Variants in TLR6 observed in about 807,000 individuals in gnomAD.
TLR6 encodes toll-like receptor 6.
Under a neutral mutation model 16.1 loss-of-function variants are expected in TLR6, and 9 were observed. The observed-to-expected ratio is 0.56, with a 90% CI of 0.34 to 0.98. The LOEUF is 0.98. Among genes scored for constraint, TLR6 ranks in the 50% least tolerant of loss-of-function variants. The pLI is 0.02. For missense variants in TLR6, 786 were observed against 921.0 expected, an observed-to-expected ratio of 0.85 and a Z score of 1.90; for synonymous variants, 340 against 338.6, an observed-to-expected ratio of 1.00 and a Z score of -0.04.
At chr4:38,866,193 T>A in the TLR6 span, among the ~76,000 whole-genome samples, 2 of 145,018 alleles carry the variant, frequency 1.4e-5, no homozygotes, top group African/African-American at 5.5e-5. Context: ...TTAATAAAAA[T>A]ATTAAATAAG....
upstream of TLR6, among the ~76,000 whole-genome samples, chr4:38,858,812 AG>A (rs1560274604): frequency 6.5e-5 from 7 of 107,230 alleles, 1 homozygote; most frequent in African/African-American, 3.2e-4. Flanking sequence ...AGAGAGAGAG[AG>A]GGAGAGAGAG....
intron 1 of TLR6, among the ~76,000 whole-genome samples, chr4:38,856,142 C>G (rs1156326198): frequency 7.0e-6 from 1 of 143,272 alleles, no homozygotes; most frequent in Non-Finnish European, 1.6e-5. Context: ...GTGCCAGATT[C>G]AAGCTTGTGA....
upstream of TLR6, among the ~76,000 whole-genome samples, chr4:38,858,904 AAAAG>A (rs139910450): frequency 3.4e-3 from 501 of 148,522 alleles, 4 homozygotes; most frequent in African/African-American, 7.6e-3. Flanking sequence ...AGAAAGAAAG[AAAAG>A]AAAGAAAGAA....
chr4:38,840,626 T>C (rs1042484648), intron 1 of TLR6, among the ~76,000 whole-genome samples: 2 of 134,400 alleles, frequency 1.5e-5, no homozygotes, highest in Non-Finnish European at 3.0e-5. Context: ...AGGGCAAGAC[T>C]CCCTCTCAAA....
chr4:38,827,719 A>G (rs751564146), exon 2 of TLR6: 3 of 1,614,242 alleles, frequency 1.9e-6, no homozygotes, highest in Non-Finnish European at 8.5e-7. Flanking sequence ...CGATCAGCAG[A>G]GTTATGTTGC....
intron 1 of TLR6, among the ~76,000 whole-genome samples, chr4:38,835,079 A>G (rs1023108327): frequency 3.9e-5 from 6 of 152,356 alleles, no homozygotes; most frequent in Non-Finnish European, 8.8e-5. Context: ...CAAAACAACC[A>G]GAAAACAATA....
At chr4:38,826,184 A>G (rs1401389470) in exon 2 of TLR6, 2 of 152,274 alleles carry the variant, frequency 1.3e-5, no homozygotes, top group Admixed American at 6.5e-5. Context: ...CAAGAAATTC[A>G]AAGCAATCTC....
chr4:38,862,704 T>A, the TLR6 span, among the ~76,000 whole-genome samples: 1 of 149,658 alleles, frequency 6.7e-6, no homozygotes, highest in African/African-American at 2.5e-5. Flanking sequence ...CAAGCAATTC[T>A]CCTGCCTCAG....
Position 38,853,428 on chromosome 4 carries a change from A to G in TLR6, c.-65+3333T>C, listed in dbSNP as rs148780787. Among the ~76,000 whole-genome samples the G allele has an allele frequency of 2.0e-5, 3 of 152,236 alleles. No individual in the cohort carries two copies. The East Asian group carries it at 5.8e-4, about 29-fold the overall frequency. ...ATTGTTCTTTCCGGAAGTTTTAACC[A>G]CTGTAATAAAGAAAAAAAATGACAG... On this transcript the variant is annotated intron_variant, in intron 1 of 1. Transcript: ENST00000436693.
At position 38,850,843 on chromosome 4, in the gene TLR6, C is replaced by T. The variant is rs1179618579; in HGVS notation, c.-65+5918G>A. Among the ~76,000 whole-genome samples the T allele has an allele frequency of 2.0e-5, 3 of 152,134 alleles. No individual in the cohort carries two copies. The East Asian group carries it at 5.8e-4, about 29-fold the overall frequency. On this transcript the variant is annotated intron_variant, in intron 1 of 1. Transcript: ENST00000436693. The stretch of plus-strand genomic sequence containing the variant: ...CCATTCCTTCTGAAACTATTCCAAT[C>T]AATAGAAAAAGAGGGAATCCTCCTT...
upstream of TLR6, among the ~76,000 whole-genome samples, chr4:38,860,157 T>C (rs1466724502): frequency 1.3e-5 from 2 of 152,126 alleles, no homozygotes; most frequent in Non-Finnish European, 2.9e-5. Flanking sequence ...TATCATAAGA[T>C]ACACATACGA....
the TLR6 span, among the ~76,000 whole-genome samples, chr4:38,861,967 C>T: frequency 6.6e-6 from 1 of 152,312 alleles, no homozygotes; most frequent in Middle Eastern, 3.4e-3. Context: ...CATTCAACAG[C>T]CTACTAAATA....
chr4:38,838,542 G>T (rs560605621), intron 1 of TLR6, among the ~76,000 whole-genome samples: 1 of 152,142 alleles, frequency 6.6e-6, no homozygotes, highest in Non-Finnish European at 1.5e-5. Flanking sequence ...GCTAAAATAC[G>T]CATCTCAGGA....
intron 1 of TLR6, among the ~76,000 whole-genome samples, chr4:38,847,956 T>C (rs948992026): frequency 6.6e-5 from 10 of 152,038 alleles, no homozygotes; most frequent in Non-Finnish European, 1.5e-4. Context: ...AGCACAGAGT[T>C]TGAGATCTGG....
intron 1 of TLR6, among the ~76,000 whole-genome samples, chr4:38,841,664 T>C (rs1386496426): frequency 6.6e-6 from 1 of 152,206 alleles, no homozygotes; most frequent in Non-Finnish European, 1.5e-5. Flanking sequence ...AGCTCTCAGC[T>C]CTCTGGGCAA....
the TLR6 span, among the ~76,000 whole-genome samples, chr4:38,862,930 TAA>T: frequency 0.077 from 6,421 of 82,972 alleles, 242 homozygotes; most frequent in Non-Finnish European, 0.12. Flanking sequence ...TTCTCCCATC[TAA>T]AAAAAAAAAA....
chr4:38,823,482 C>T (rs1727404000), downstream of TLR6, among the ~76,000 whole-genome samples: 3 of 152,334 alleles, frequency 2.0e-5, no homozygotes, highest in South Asian at 6.2e-4. Context: ...AAACTCATCT[C>T]TGCCATGCCC....
exon 2 of TLR6, chr4:38,825,263 T>C (rs1727492523): frequency 6.6e-6 from 1 of 152,208 alleles, no homozygotes; most frequent in African/African-American, 2.4e-5. Context: ...ATTGCACCTC[T>C]ATTTAAGGGA....
intron 1 of TLR6, among the ~76,000 whole-genome samples, chr4:38,851,216 T>TTTGA (rs1387116720): frequency 1.3e-5 from 2 of 152,202 alleles, no homozygotes; most frequent in African/African-American, 4.8e-5. Flanking sequence ...AATTAGGTAT[T>TTTGA]GATGGGACGT....
Sources: allele counts gnomAD v4.1 joint callset (sites outside exome capture counted in the v4.1 genomes callset), GRCh38; gene constraint gnomAD v4.1.1; transcripts MANE v1.5; gene names NCBI Gene and HGNC (gene_info 2026-07-23, HGNC 2026-07-21).